Variants in KPNA1 observed in about 807,000 individuals in gnomAD.
The protein encoded by KPNA1 is importin subunit alpha-5.
A neutral mutation model predicts 70.5 loss-of-function variants in KPNA1; 10 were observed. The observed-to-expected ratio is 0.14, with a 90% CI of 0.09 to 0.24. The LOEUF (loss-of-function observed/expected upper bound fraction) is 0.24, where lower values mean the gene tolerates loss of function less well. KPNA1 is among the 10% of genes least tolerant of loss of function. KPNA1 has a pLI of 1.00. For missense variants in KPNA1, 397 were observed against 637.9 expected, an observed-to-expected ratio of 0.62 and a Z score of 4.07; for synonymous variants, 192 against 221.9, an observed-to-expected ratio of 0.87 and a Z score of 1.20.
chr3:122,476,878 A>AAAAAAAAAAAAAAAAAAAAAAAAAAAAT (rs2076505475), intron 2 of KPNA1, among the ~76,000 whole-genome samples: 1 of 150,354 alleles, frequency 6.7e-6, no homozygotes, highest in African/African-American at 2.4e-5. Flanking sequence ...AAAAAAAAAA[A>AAAAAAAAAAAAAAAAAAAAAAAAAAAAT]AAAAAACTAA....
chr3:122,422,363 A>C lies in KPNA1; in HGVS notation c.*4622T>G, dbSNP rs952136344. On this transcript the variant is annotated 3_prime_UTR_variant, in exon 14 of 14. Transcript: ENST00000344337. Reference sequence around the variant, plus strand: ...ATTTGCACAAAAAAAAAAAAAAAAAAAACCTATTACCATACTTGTCTGGTC... The same window carrying C: ...ATTTGCACAAAAAAAAAAAAAAAAACAACCTATTACCATACTTGTCTGGTC... 6.6e-6 allele frequency: 1 copy of C among 152,022 alleles called. No individual in the cohort carries two copies. The allele number at this position is 152,022 out of a possible 1,614,324, so 9.4% of individuals were successfully genotyped here.
intron 2 of KPNA1, among the ~76,000 whole-genome samples, chr3:122,481,035 C>G (rs969752890): frequency 1.4e-4 from 21 of 152,092 alleles, no homozygotes; most frequent in African/African-American, 4.6e-4. Context: ...CTGAAGCCTT[C>G]AAACATTGCT....
intron 4 of KPNA1, among the ~76,000 whole-genome samples, chr3:122,463,032 A>G (rs1446454162): frequency 6.6e-6 from 1 of 152,138 alleles, no homozygotes; most frequent in Non-Finnish European, 1.5e-5. Flanking sequence ...ATCCTGGCCA[A>G]CATGGTGAAA....
At chr3:122,435,239 G>T (rs1463058590) in intron 11 of KPNA1, among the ~76,000 whole-genome samples, 1 of 152,056 alleles carries the variant, frequency 6.6e-6, no homozygotes, top group East Asian at 1.9e-4. Flanking sequence ...TGGATTAGAT[G>T]ATCTCTCTGT....
intron 1 of KPNA1, among the ~76,000 whole-genome samples, chr3:122,497,928 T>C (rs977971443): frequency 7.9e-5 from 12 of 152,162 alleles, no homozygotes; most frequent in Non-Finnish European, 1.5e-4. Flanking sequence ...AATTAATCTG[T>C]TTTTTGCTGT....
At chr3:122,509,724 G>A (rs956254828) in intron 1 of KPNA1, among the ~76,000 whole-genome samples, 2 of 152,128 alleles carry the variant, frequency 1.3e-5, no homozygotes, top group Non-Finnish European at 2.9e-5. Flanking sequence ...CAGAAGTAGG[G>A]CTCAGAAATT....
chr3:122,441,965 A>G (rs1429898508), intron 10 of KPNA1, 73 bp downstream of exon 10: 3 of 1,051,124 alleles, frequency 2.9e-6, no homozygotes, highest in Admixed American at 1.8e-5. Flanking sequence ...GTAAAATACG[A>G]TAATAGAAAC....
At chr3:122,502,142 T>G (rs2076836091) in intron 1 of KPNA1, among the ~76,000 whole-genome samples, 1 of 152,138 alleles carries the variant, frequency 6.6e-6, no homozygotes, top group South Asian at 2.1e-4. Flanking sequence ...CTTTTACAGA[T>G]AAGGAATCAG....
intron 2 of KPNA1, among the ~76,000 whole-genome samples, chr3:122,468,327 T>C (rs2107750805): frequency 6.6e-6 from 1 of 152,238 alleles, no homozygotes; most frequent in Non-Finnish European, 1.5e-5. Flanking sequence ...CTAAAATTCA[T>C]AACGCAGAGT....
chr3:122,465,063 T>A (rs1294304579), intron 3 of KPNA1, among the ~76,000 whole-genome samples: 1 of 152,210 alleles, frequency 6.6e-6, no homozygotes, highest in Non-Finnish European at 1.5e-5. Context: ...TTTTCTTCCC[T>A]CTCTCATCCT....
chr3:122,434,313 TTC>T (rs1280373079), intron 11 of KPNA1, among the ~76,000 whole-genome samples: 2 of 152,196 alleles, frequency 1.3e-5, no homozygotes, highest in African/African-American at 4.8e-5. Context: ...ATCTCCTATT[TTC>T]TCTGAGTTCT....
At chr3:122,456,535 A>G (rs2076267003) in intron 5 of KPNA1, among the ~76,000 whole-genome samples, 1 of 152,216 alleles carries the variant, frequency 6.6e-6, no homozygotes, top group African/African-American at 2.4e-5. Flanking sequence ...CAGCGTTCAA[A>G]CTGCTATTTT....
chr3:122,433,905 T>TA, intron 11 of KPNA1, 117 bp from the exon 12 acceptor site: 1 of 782,584 alleles, frequency 1.3e-6, no homozygotes, highest in Admixed American at 3.1e-5. Flanking sequence ...CTGTCAGAAA[T>TA]AAATTGAAAA....
At chr3:122,466,693 A>G (rs2076384023) in intron 3 of KPNA1, among the ~76,000 whole-genome samples, 1 of 152,180 alleles carries the variant, frequency 6.6e-6, no homozygotes, top group East Asian at 1.9e-4. Context: ...TAAATCAATA[A>G]AAAATCATTA....
chr3:122,483,405 T>C (rs1576330013), intron 2 of KPNA1, among the ~76,000 whole-genome samples: 1 of 152,148 alleles, frequency 6.6e-6, no homozygotes, highest in Admixed American at 6.5e-5. Flanking sequence ...AGTACAACGG[T>C]ATGGTCTAGG....
In KPNA1 at chr3:122,514,781, T is replaced by G. The variant is rs1356280044; in HGVS notation, c.-30A>C. Reference sequence around the variant, plus strand: ...CCAGGCTCAAGGCAACCGATCCCGGTGCCACCGCTGAAGTTAGCCCCTCGC... The same window carrying G: ...CCAGGCTCAAGGCAACCGATCCCGGGGCCACCGCTGAAGTTAGCCCCTCGC... On this transcript the variant is annotated 5_prime_UTR_variant, in exon 1 of 14. Coordinates refer to ENST00000344337, the MANE Select transcript of KPNA1 (RefSeq NM_002264.4). The G allele has an allele frequency of 6.6e-6, 1 of 151,826 alleles. No individual in the cohort carries two copies. The highest frequency in any genetic ancestry group is 2.4e-5 in the African/African-American group (1 of 41,146). The allele number at this position is 151,826 out of a possible 1,614,324, so 9.4% of individuals were successfully genotyped here.
chr3:122,505,607 T>C (rs2076882180), intron 1 of KPNA1, among the ~76,000 whole-genome samples: 1 of 146,638 alleles, frequency 6.8e-6, no homozygotes, highest in Admixed American at 6.8e-5. Context: ...AAAGCCATTA[T>C]ACCTAAATTT....
intron 12 of KPNA1, among the ~76,000 whole-genome samples, chr3:122,428,827 ATCTCTT>A (rs56107911): frequency 0.13 from 20,146 of 152,204 alleles, 1,390 homozygotes; most frequent in Middle Eastern, 0.27. Context: ...GTATTCTACC[ATCTCTT>A]CCAGAAAACA....
At chr3:122,499,825 CAG>C (rs1225302117) in intron 1 of KPNA1, among the ~76,000 whole-genome samples, 2 of 151,356 alleles carry the variant, frequency 1.3e-5, no homozygotes, top group South Asian at 4.2e-4. Context: ...GCTTTGGTAT[CAG>C]AGTGATACCA....
Sources: gnomAD v4.1 joint callset for allele counts (sites outside exome capture counted in the v4.1 genomes callset) on GRCh38, gnomAD v4.1.1 for gene constraint, MANE v1.5 for transcripts, NCBI Gene and HGNC (gene_info 2026-07-23, HGNC 2026-07-21) for gene names.